The following TGFBR3 variants were observed in gnomAD, a reference collection of about 807,000 sequenced individuals.
TGFBR3 encodes the protein transforming growth factor beta receptor type 3.
Under a neutral mutation model 87.9 loss-of-function variants are expected in TGFBR3, and 46 were observed. The observed-to-expected ratio is 0.52, with a 90% confidence interval of 0.41 to 0.67. The LOEUF is 0.67. Among genes scored for constraint, TGFBR3 ranks in the 30% least tolerant of loss-of-function variants. The pLI is 0.00. For synonymous variants in TGFBR3, 381 were observed against 391.6 expected, an observed-to-expected ratio of 0.97 and a Z score of 0.32; for missense variants, 866 against 1,041.9, an observed-to-expected ratio of 0.83 and a Z score of 2.32.
chr1:91,897,557 C>A (rs60748985), intron 2 of TGFBR3, among the ~76,000 whole-genome samples: 1 of 152,034 alleles, frequency 6.6e-6, no homozygotes, highest in African/African-American at 2.4e-5. Flanking sequence ...TCCAAATGGC[C>A]GAAAGGTCAA....
intron 4 of TGFBR3, among the ~76,000 whole-genome samples, chr1:91,757,614 C>T (rs1341159775): frequency 1.3e-5 from 2 of 152,158 alleles, no homozygotes; most frequent in Admixed American, 1.3e-4. Flanking sequence ...TTCTAGTTGG[C>T]ATTTTACTAT....
chr1:91,842,180 G>A (rs775789748), intron 2 of TGFBR3, among the ~76,000 whole-genome samples: 6 of 152,100 alleles, frequency 3.9e-5, no homozygotes, highest in South Asian at 2.1e-4. Flanking sequence ...TGACTCTCAC[G>A]GAGCTTACAT....
intron 4 of TGFBR3, among the ~76,000 whole-genome samples, chr1:91,755,940 T>A (rs1487683676): frequency 2.0e-5 from 3 of 152,138 alleles, no homozygotes; most frequent in Non-Finnish European, 4.4e-5. Context: ...CTCTTTACTG[T>A]GACTAGAAAT....
In TGFBR3 at chr1:91,857,103, C is replaced by T. The variant is rs722500; in HGVS notation, c.61+4368G>A. ...CCCTTGATAAATGACAGCCTGTGAG[C>T]CAAGCACTGCTGGGTCTGAAGCTAA... On this transcript the variant is annotated intron_variant, in intron 2 of 16. Coordinates refer to ENST00000212355, the MANE Select transcript of TGFBR3 (RefSeq NM_003243.5). 4.2e-3 allele frequency among the ~76,000 whole-genome samples: 632 copies of T among 151,752 alleles called. 3 individuals carry two copies. The highest frequency in any genetic ancestry group is 0.015 in the African/African-American group (615 of 41,074).
At chr1:91,707,187 G>T (rs1420898549) in intron 14 of TGFBR3, among the ~76,000 whole-genome samples, 1 of 152,154 alleles carries the variant, frequency 6.6e-6, no homozygotes, top group African/African-American at 2.4e-5. Context: ...GCTGGTGGTA[G>T]GGGGGTTCTC....
chr1:91,796,753 C>CT (rs1302669041), intron 3 of TGFBR3, among the ~76,000 whole-genome samples: 4 of 152,172 alleles, frequency 2.6e-5, no homozygotes, highest in Non-Finnish European at 5.9e-5. Flanking sequence ...GGGTTCTGCT[C>CT]TATCTCCCAG....
intron 2 of TGFBR3, among the ~76,000 whole-genome samples, chr1:91,853,259 CAAAAA>C (rs11340974): frequency 1.1e-3 from 86 of 76,606 alleles, no homozygotes; most frequent in African/African-American, 3.4e-3. Context: ...TGAGGGTTGG[CAAAAA>C]AAAAAAAAAA....
intron 12 of TGFBR3, among the ~76,000 whole-genome samples, chr1:91,714,779 C>T (rs1306948715): frequency 6.6e-6 from 1 of 152,112 alleles, no homozygotes; most frequent in African/African-American, 2.4e-5. Flanking sequence ...AACTGTACAG[C>T]CAGAAAAGCA....
chr1:91,823,723 G>A (rs932237762), intron 2 of TGFBR3, among the ~76,000 whole-genome samples: 1 of 152,260 alleles, frequency 6.6e-6, no homozygotes, highest in South Asian at 2.1e-4. Context: ...CAGGGAGGCT[G>A]AAGAGAATGA....
chr1:91,724,126 C>A (rs1455385929), intron 7 of TGFBR3, among the ~76,000 whole-genome samples: 1 of 152,198 alleles, frequency 6.6e-6, no homozygotes, highest in Non-Finnish European at 1.5e-5. Context: ...CTTTAACCAA[C>A]TTCTGCGGCC....
chr1:91,714,517 T>C (rs369937495), intron 12 of TGFBR3, among the ~76,000 whole-genome samples: 1 of 151,544 alleles, frequency 6.6e-6, no homozygotes, highest in East Asian at 1.9e-4. Flanking sequence ...ATAGGTGATA[T>C]ATGAAAAGGT....
intron 3 of TGFBR3, among the ~76,000 whole-genome samples, chr1:91,759,383 CA>C (rs35600646): frequency 0.26 from 22,171 of 84,528 alleles, 1,407 homozygotes; most frequent in Middle Eastern, 0.42. Context: ...CAGCCCCTGT[CA>C]AAAAAAAAAA....
chr1:91,851,473 A>T (rs1223833620), intron 2 of TGFBR3, among the ~76,000 whole-genome samples: 4 of 152,128 alleles, frequency 2.6e-5, no homozygotes, highest in African/African-American at 9.7e-5. Context: ...TCTTGCTGGC[A>T]CGCTTCCCGG....
intron 2 of TGFBR3, chr1:91,830,006 C>A (rs1286002784): frequency 6.6e-6 from 1 of 152,164 alleles, no homozygotes; most frequent in Non-Finnish European, 1.5e-5. Flanking sequence ...GCCCAGAACT[C>A]CCGGGCTCAA....
At position 91,689,457 on chromosome 1, in the gene TGFBR3, T is replaced by C. The variant is rs146928053; in HGVS notation, c.2438-5600A>G. On this transcript the variant is annotated intron_variant, in intron 16 of 16. Transcript: ENST00000212355. The stretch of plus-strand genomic sequence containing the variant: ...ATTTTACCAGTGCCTAGAATAGCGT[T>C]GGCATTTAACAATAGCTTAAAAAAT... Among the ~76,000 whole-genome samples the C allele has an allele frequency of 2.0e-3, 307 of 152,326 alleles. 1 individual carries two copies. Among genetic ancestry groups the C allele is most frequent in the African/African-American group, 7.0e-3 (293 of 41,570 alleles).
intron 12 of TGFBR3, among the ~76,000 whole-genome samples, 173 bp from the exon 13 acceptor site, chr1:91,712,715 A>G (rs1314443773): frequency 6.6e-6 from 1 of 152,248 alleles, no homozygotes; most frequent in African/African-American, 2.4e-5. Flanking sequence ...TGAAAGAAAA[A>G]GATATTTTCC....
intron 2 of TGFBR3, among the ~76,000 whole-genome samples, chr1:91,797,965 A>T (rs1433431267): frequency 1.3e-5 from 2 of 152,224 alleles, no homozygotes; most frequent in Non-Finnish European, 2.9e-5. Context: ...TGTAGAGGCG[A>T]TCAGGGCCAG....
Position 91,715,920 on chromosome 1 carries a change from C to G in TGFBR3, c.1866+316G>C, listed in dbSNP as rs977742074. On this transcript the variant is annotated intron_variant, in intron 12 of 16. Transcript: ENST00000212355. ...AAATATTCCATGGTTAACTCTAACACTGCAACTACTGAACTACTGTTCCAA... is the reference window on the plus strand; with the variant it reads ...AAATATTCCATGGTTAACTCTAACAGTGCAACTACTGAACTACTGTTCCAA... 1.6e-4 allele frequency among the ~76,000 whole-genome samples: 24 copies of G among 151,574 alleles called. 1 individual carries two copies. Among genetic ancestry groups the G allele is most frequent in the Admixed American group, 1.6e-3 (24 of 15,214 alleles).
intron 2 of TGFBR3, among the ~76,000 whole-genome samples, chr1:91,857,579 A>G (rs975968943): frequency 8.5e-5 from 13 of 152,128 alleles, no homozygotes; most frequent in Non-Finnish European, 1.2e-4. Context: ...CTTTCACTAC[A>G]CATTCATTAT....
Sources: allele counts gnomAD v4.1 joint callset (sites outside exome capture counted in the v4.1 genomes callset), GRCh38; gene constraint gnomAD v4.1.1; transcripts MANE v1.5; gene names NCBI Gene and HGNC (gene_info 2026-07-23, HGNC 2026-07-21).